CTSF: variants seen among roughly 807,000 people sequenced by gnomAD.
CTSF encodes cathepsin F.
A neutral mutation model predicts 63.5 loss-of-function variants in CTSF; 65 were observed. The observed-to-expected ratio is 1.02, with a 90% CI of 0.84 to 1.26. CTSF has a LOEUF of 1.26. Ranked by LOEUF, CTSF falls within the 50% of genes most tolerant of loss-of-function variation. The pLI, the probability that CTSF is intolerant of heterozygous loss-of-function variation, is 0.00. For synonymous variants in CTSF, 256 were observed against 258.1 expected, an observed-to-expected ratio of 0.99 and a Z score of 0.08; for missense variants, 641 against 631.0, an observed-to-expected ratio of 1.02 and a Z score of -0.17.
rs771117136 is a variant in CTSF at position 66,565,890 on chromosome 11, C to T, written c.905G>A (p.Gly302Asp). ...CGSCWAFSVT[G>D]NVEGQWFLNQ... is the part of the protein sequence containing the mutation. ...GAGAAACCACTGGCCCTCCACATTG[C>T]CTGTGACTGAGAAGGCCCAGCAGGA... The change falls in exon 7 of 13, where the codon GGC becomes GAC. Residue 302 changes from glycine to aspartate, a missense_variant. Coordinates refer to ENST00000310325, the MANE Select transcript of CTSF (RefSeq NM_003793.4). 2.5e-6 allele frequency: 4 copies of T among 1,614,076 alleles called. No individual in the cohort carries two copies. The Admixed American group carries it at 6.7e-5, about 27-fold the overall frequency.
intron 11 of CTSF, 33 bp from the exon 12 acceptor site, chr11:66,564,179 T>C (rs1180945120): frequency 1.9e-6 from 3 of 1,593,552 alleles, no homozygotes; most frequent in Admixed American, 3.6e-5. Context: ...AGGATCAGGG[T>C]CCTTAATTCT....
intron 11 of CTSF, 107 bp from the exon 12 acceptor site, chr11:66,564,253 G>A: frequency 7.3e-7 from 1 of 1,377,830 alleles, no homozygotes; most frequent in South Asian, 1.3e-5. Flanking sequence ...TGTGTGACAG[G>A]GACTAGGAAA....
Position 66,563,760 on chromosome 11 carries a change from T to G in CTSF, c.*173A>C. The G allele has an allele frequency of 4.1e-6, 3 of 724,344 alleles. No homozygotes were observed. The highest frequency in any genetic ancestry group is 6.7e-6 in the Non-Finnish European group (3 of 445,676). The allele number at this position is 724,344 out of a possible 1,614,324, so 44.9% of individuals were successfully genotyped here. On this transcript the variant is annotated 3_prime_UTR_variant, in exon 13 of 13. Coordinates refer to ENST00000310325, the MANE Select transcript of CTSF (RefSeq NM_003793.4). ...CAGGTGCAGAACTTCAGGGTGGGAA[T>G]GGGGTGCAGGGAAGCAGGGGCTGTG... is the stretch of plus-strand genomic sequence containing the variant.
rs556035057 is a variant in CTSF, at chr11:66,568,422, G to A, written c.65C>T (p.Ala22Val). The A allele has an allele frequency of 1.5e-6, 2 of 1,364,092 alleles. No homozygotes were observed. The highest frequency in any genetic ancestry group is 3.9e-5 in the Admixed American group (1 of 25,420). The allele number at this position is 1,364,092 out of a possible 1,614,324, so 84.5% of individuals were successfully genotyped here. Reference sequence around the variant, plus strand: ...CTGAAAGCTGGCGGCTCGGGGCTGGGCGGGGGCGGCCACTGCGCCCGGGAG... The same window carrying A: ...CTGAAAGCTGGCGGCTCGGGGCTGGACGGGGGCGGCCACTGCGCCCGGGAG... ...GLLPGAVAAP[A>V]QPRAASFQAW... Residue 22 changes from alanine (A) to valine (V), a missense_variant, in exon 1 of 13, where the codon GCC becomes GTC. Transcript: ENST00000310325.
In CTSF at chr11:66,568,084, T is replaced by G; in HGVS notation, c.214-2A>C. 6.2e-7 allele frequency: 1 copy of G among 1,604,690 alleles called. No homozygotes were observed. Among genetic ancestry groups the G allele is most frequent in the Non-Finnish European group, 8.5e-7 (1 of 1,176,924 alleles). ...GGAGTACAGCGACCCCTGACCCGCC[T>G]GGAGAGAGGAGTAGGTGAGGCGGGC... On this transcript the variant is annotated splice_acceptor_variant, in intron 1 of 12. Coordinates refer to ENST00000310325, the MANE Select transcript of CTSF (RefSeq NM_003793.4). LOFTEE classifies it high-confidence loss of function.
Position 66,563,869 on chromosome 11 carries a change from C to T in CTSF, c.*64G>A. ...TGTACCTCCCGGGGAGGGGCCTGGA[C>T]ACATGTCAGGCTGGGGCAGCAGCCA... On this transcript the variant is annotated 3_prime_UTR_variant, in exon 13 of 13. Coordinates refer to ENST00000310325, the MANE Select transcript of CTSF (RefSeq NM_003793.4). The T allele has an allele frequency of 6.3e-7, 1 of 1,596,440 alleles. No homozygotes were observed. The highest frequency in any genetic ancestry group is 1.1e-5 in the South Asian group (1 of 90,092).
In CTSF at chr11:66,567,307, C is replaced by T. The variant is rs528679828; in HGVS notation, c.546G>A (p.Lys182=). ...CAAAGTTCTTGAAGATTGAAGCCAT[C>T]TTCACAGGCAAGTCCTGGATAGGCA... ...EDPLSQDLPV[K]MASIFKNFVI... The change falls in exon 4 of 13, where the codon AAG becomes AAA. Residue 182 remains lysine (K), a synonymous_variant. Transcript: ENST00000310325. The T allele has an allele frequency of 1.9e-6, 3 of 1,614,186 alleles. No homozygotes were observed. In the Admixed American group the frequency reaches 5.0e-5, roughly 27 times the overall value.
At position 66,567,668 on chromosome 11, in the gene CTSF, G is replaced by A. The variant is rs1857964523; in HGVS notation, c.313-6C>T. ...AGGACTTGGAAGCTGCAGAGCTGGA[G>A]GGAGAGGAAGAAGCTGCTCTGGGGG... On this transcript the variant is annotated splice_polypyrimidine_tract_variant and splice_region_variant and intron_variant, in intron 2 of 12. Coordinates refer to ENST00000310325, the MANE Select transcript of CTSF (RefSeq NM_003793.4). 6.2e-7 allele frequency: 1 copy of A among 1,611,654 alleles called. No homozygotes were observed. Among genetic ancestry groups the A allele is most frequent in the Non-Finnish European group, 8.5e-7 (1 of 1,178,860 alleles).
intron 4 of CTSF, 98 bp from the exon 5 acceptor site, chr11:66,566,502 T>A: frequency 8.9e-7 from 1 of 1,124,612 alleles, no homozygotes; most frequent in Non-Finnish European, 1.3e-6. Context: ...GGGGAGCAGG[T>A]AGGGGTGGGG....
chr11:66,567,852 C>T, intron 2 of CTSF, 132 bp downstream of exon 2: 1 of 1,395,466 alleles, frequency 7.2e-7, no homozygotes, highest in Non-Finnish European at 9.7e-7. Flanking sequence ...TTCCAGCCCT[C>T]GGGGCCTGGG....
intron 1 of CTSF, 34 bp from the exon 2 acceptor site, chr11:66,568,116 G>C (rs372415902): frequency 3.8e-6 from 6 of 1,593,898 alleles, no homozygotes; most frequent in Middle Eastern, 3.4e-4. Flanking sequence ...GGGCACAGTC[G>C]GCCCTTGACG....
chr11:66,567,368 A>C, intron 3 of CTSF, 47 bp from the exon 4 acceptor site: 1 of 1,613,562 alleles, frequency 6.2e-7, no homozygotes, highest in Non-Finnish European at 8.5e-7. Context: ...AACCCACTCC[A>C]GAGGGAAGGG....
At position 66,565,845 on chromosome 11, in the gene CTSF, G is replaced by A; in HGVS notation, c.950C>T (p.Ser317Phe). The change falls in exon 7 of 13, where the codon TCC becomes TTC. Residue 317 changes from serine (S) to phenylalanine (F), a missense_variant. Coordinates refer to ENST00000310325, the MANE Select transcript of CTSF (RefSeq NM_003793.4). ...GAGATGCTCACCCTGTTCAGAGAGGGAGAGCAGGGTCCCCTGGTTGAGAAA... is the reference window on the plus strand; with the variant it reads ...GAGATGCTCACCCTGTTCAGAGAGGAAGAGCAGGGTCCCCTGGTTGAGAAA... The part of the protein sequence containing the change: ...QWFLNQGTLL[S>F]LSEQELLDCD... The A allele has an allele frequency of 6.2e-7, 1 of 1,614,004 alleles. No homozygotes were observed. Among genetic ancestry groups the A allele is most frequent in the East Asian group, 2.2e-5 (1 of 44,886 alleles).
intron 8 of CTSF, 80 bp from the exon 9 acceptor site, chr11:66,565,086 G>T: frequency 6.7e-7 from 1 of 1,503,244 alleles, no homozygotes; most frequent in South Asian, 1.4e-5. Context: ...AGCCCTCTAC[G>T]CGAGGTTTCA....
At chr11:66,565,043 T>C in intron 8 of CTSF, 37 bp from the exon 9 acceptor site, 1 of 1,519,936 alleles carries the variant, frequency 6.6e-7, no homozygotes, top group Non-Finnish European at 8.8e-7. Context: ...AAGGGCAGGC[T>C]CCCATTTGCC....
chr11:66,565,717 G>C lies in CTSF; in HGVS notation c.999C>G (p.Cys333Trp). ...LLDCDKMDKA[C>W]MGGLPSNAYS... ...AGGCATTGGAGGGCAAGCCGCCCATGCAGGCCTTGTCCATCTTGTCACAGT... is the reference window on the plus strand; with the variant it reads ...AGGCATTGGAGGGCAAGCCGCCCATCCAGGCCTTGTCCATCTTGTCACAGT... Residue 333 changes from cysteine to tryptophan, a missense_variant, in exon 8 of 13, where the codon TGC (cysteine) becomes TGG (tryptophan). Coordinates refer to ENST00000310325, the MANE Select transcript of CTSF (RefSeq NM_003793.4). 6.2e-7 allele frequency: 1 copy of C among 1,613,824 alleles called. No individual in the cohort carries two copies. The highest frequency in any genetic ancestry group is 8.5e-7 in the Non-Finnish European group (1 of 1,180,044).
intron 4 of CTSF, among the ~76,000 whole-genome samples, chr11:66,566,617 C>T (rs574789362): frequency 6.6e-6 from 1 of 152,058 alleles, no homozygotes; most frequent in African/African-American, 2.4e-5. Flanking sequence ...CTAAAGGACA[C>T]CACCCACAAG....
In CTSF at chr11:66,563,581, G is replaced by T. The variant is rs1857854748; in HGVS notation, c.*352C>A. The stretch of plus-strand genomic sequence containing the variant: ...ACCAGAAAATTTATAGTATCAAACA[G>T]AGGAAAGCGGGGGCAGAACAGAGCT... On this transcript the variant is annotated 3_prime_UTR_variant, in exon 13 of 13. Transcript: ENST00000310325. 3 of 488,374 alleles carry T rather than the reference G, an allele frequency of 6.1e-6. No individual in the cohort carries two copies. In the Admixed American group the frequency reaches 1.0e-4, roughly 16 times the overall value. 30.3% of individuals were successfully genotyped at this position (488,374 alleles called of 1,614,324 possible).
In CTSF at chr11:66,563,927, C is replaced by T. The variant is rs761664449; in HGVS notation, c.*6G>A. The T allele has an allele frequency of 4.3e-6, 7 of 1,612,076 alleles. No homozygotes were observed. The highest frequency in any genetic ancestry group is 4.0e-4 in the Middle Eastern group (2 of 5,012). On this transcript the variant is annotated 3_prime_UTR_variant, in exon 13 of 13. Transcript: ENST00000310325. ...CAGCACCAGGTCCCGAGCTGGGGGC[C>T]CCTCTTCAGTCCACCACCGCCGAGC...
Sources: gnomAD v4.1 joint callset for allele counts (sites outside exome capture counted in the v4.1 genomes callset) on GRCh38, gnomAD v4.1.1 for gene constraint, MANE v1.5 for transcripts, NCBI Gene and HGNC (gene_info 2026-07-23, HGNC 2026-07-21) for gene names.